The following ALG1L2 variants were observed in gnomAD, a reference collection of about 807,000 sequenced individuals.
The protein encoded by ALG1L2 is putative glycosyltransferase ALG1L2.
ALG1L2 carries 32 observed loss-of-function variants against 29.0 expected under a neutral mutation model. The ratio of observed to expected loss-of-function variants is 1.10; its 90% CI spans 0.83 to 1.48. The LOEUF (loss-of-function observed/expected upper bound fraction) is 1.48, where lower values mean the gene tolerates loss of function less well. Ranked by LOEUF, ALG1L2 falls within the 40% of genes most tolerant of loss-of-function variation. The pLI is 0.00. For missense variants in ALG1L2, 318 were observed against 274.1 expected (o/e 1.16, Z -1.13); for synonymous variants, 110 against 109.5 (o/e 1.00, Z -0.03).
chr3:130,095,445 ATT>A (rs1935110238), intron 5 of ALG1L2, among the ~76,000 whole-genome samples: 1 of 136,378 alleles, frequency 7.3e-6, no homozygotes, highest in Non-Finnish European at 1.6e-5. Flanking sequence ...TATTATTATT[ATT>A]ATTTTGAGAC....
At chr3:130,092,480 G>A (rs11718709) in intron 3 of ALG1L2, among the ~76,000 whole-genome samples, 50,795 of 152,090 alleles carry the variant, frequency 0.33, 9,190 homozygotes, top group Middle Eastern at 0.49. Flanking sequence ...CTCTGGGCTC[G>A]TCGGGGCCAC....
intron 1 of ALG1L2, among the ~76,000 whole-genome samples, chr3:130,087,844 A>G (rs1411610459): frequency 1.0e-5 from 1 of 97,106 alleles, no homozygotes; most frequent in Non-Finnish European, 2.6e-5. Context: ...GAAGCTCTGC[A>G]TGAACATCAG....
intron 1 of ALG1L2, among the ~76,000 whole-genome samples, chr3:130,088,385 C>T (rs935904247): frequency 2.6e-5 from 4 of 152,418 alleles, no homozygotes; most frequent in African/African-American, 7.2e-5. Flanking sequence ...CCCTGCTGTT[C>T]CCATGACATT....
In ALG1L2 at chr3:130,094,452, T is replaced by A. The variant is rs991463770; in HGVS notation, c.363T>A (p.His121Gln). 1 of 1,596,286 alleles carries A rather than the reference T, an allele frequency of 6.3e-7. No individual in the cohort carries two copies. The highest frequency in any genetic ancestry group is 1.3e-5 in the African/African-American group (1 of 74,936). Residue 121 changes from histidine (H) to glutamine (Q), a missense_variant, in exon 5 of 8, where the codon CAT becomes CAA. Coordinates refer to ENST00000425059, the MANE Select transcript of ALG1L2 (RefSeq NM_001136152.1). ...EYYSRLIHQK[H>Q]FQHIQVCIPW... Reference sequence around the variant, plus strand: ...ACAGCCGCCTCATCCACCAGAAGCATTTCCAGCACATCCAGGTCTGCATCC... The same window carrying A: ...ACAGCCGCCTCATCCACCAGAAGCAATTCCAGCACATCCAGGTCTGCATCC...
In ALG1L2 at chr3:130,094,517, A is replaced by G; in HGVS notation, c.424+4A>G. On this transcript the variant is annotated splice_donor_region_variant and intron_variant, in intron 5 of 7. Transcript: ENST00000425059. ...CGAGGACTACCCCCGCTTCTAGGTG[A>G]GAGGCCAGCAGGAGGCTCAGGGAGG... The G allele has an allele frequency of 1.9e-6, 3 of 1,582,592 alleles. No homozygotes were observed. Among genetic ancestry groups the G allele is most frequent in the East Asian group, 2.4e-5 (1 of 41,670 alleles).
chr3:130,096,817 G>A (rs1455512727), intron 6 of ALG1L2, among the ~76,000 whole-genome samples: 3 of 152,208 alleles, frequency 2.0e-5, no homozygotes, highest in African/African-American at 7.2e-5. Context: ...TCCTAGAAAA[G>A]TCATCTTTTA....
intron 1 of ALG1L2, among the ~76,000 whole-genome samples, chr3:130,084,308 T>A (rs576596067): frequency 2.2e-5 from 3 of 134,858 alleles, no homozygotes; most frequent in African/African-American, 2.7e-5. Context: ...TCAAAAAAAA[T>A]TAATAAAAAG....
intron 1 of ALG1L2, among the ~76,000 whole-genome samples, chr3:130,086,478 G>C (rs1365614110): frequency 6.7e-6 from 1 of 148,206 alleles, no homozygotes; most frequent in South Asian, 2.1e-4. Flanking sequence ...ATCAGCCTGG[G>C]CAACAAAGTG....
Position 130,092,230 on chromosome 3 carries a change from T to A in ALG1L2, c.253+8T>A, listed in dbSNP as rs13066399. 1 of 1,606,456 alleles carries A rather than the reference T, an allele frequency of 6.2e-7. No individual in the cohort carries two copies. Among genetic ancestry groups the A allele is most frequent in the Non-Finnish European group, 8.5e-7 (1 of 1,177,300 alleles). On this transcript the variant is annotated splice_region_variant and intron_variant, in intron 3 of 7. Coordinates refer to ENST00000425059, the MANE Select transcript of ALG1L2 (RefSeq NM_001136152.1). Reference sequence around the variant, plus strand: ...GCAGCACAAGCTGGACAGGTCTGCATGACCACTGGGGCACTTGGGGTTGGT... The same window carrying A: ...GCAGCACAAGCTGGACAGGTCTGCAAGACCACTGGGGCACTTGGGGTTGGT...
chr3:130,093,174 C>T lies in ALG1L2; in HGVS notation c.313+14C>T, dbSNP rs770762337. The T allele has an allele frequency of 6.2e-7, 1 of 1,610,826 alleles. No homozygotes were observed. The highest frequency in any genetic ancestry group is 2.2e-5 in the East Asian group (1 of 44,844). On this transcript the variant is annotated intron_variant, in intron 4 of 7. Coordinates refer to ENST00000425059, the MANE Select transcript of ALG1L2 (RefSeq NM_001136152.1). ...GTGTGATAACAGGTACTGCCTGGGACCCTGGGTGTCTGTTTGGTTGGGGGA... is the reference window on the plus strand; with the variant it reads ...GTGTGATAACAGGTACTGCCTGGGATCCTGGGTGTCTGTTTGGTTGGGGGA...
At chr3:130,084,296 C>T (rs1352690137) in intron 1 of ALG1L2, among the ~76,000 whole-genome samples, 4 of 133,040 alleles carry the variant, frequency 3.0e-5, no homozygotes, top group African/African-American at 5.1e-5. Flanking sequence ...CATTTCCCCC[C>T]CTCAAAAAAA....
chr3:130,089,559 T>C (rs1934964461), intron 1 of ALG1L2: 1 of 152,258 alleles, frequency 6.6e-6, no homozygotes, highest in South Asian at 2.1e-4. Context: ...GTTGAAATAA[T>C]AATATTTTGA....
chr3:130,096,250 T>A, intron 6 of ALG1L2, 87 bp downstream of exon 6: 2 of 1,478,270 alleles, frequency 1.4e-6, no homozygotes, highest in Admixed American at 1.9e-5. Flanking sequence ...CTGCCCACAG[T>A]GAGGCCCTGC....
chr3:130,084,295 C>A (rs1423800376), intron 1 of ALG1L2, among the ~76,000 whole-genome samples: 10 of 133,112 alleles, frequency 7.5e-5, no homozygotes, highest in Non-Finnish European at 1.2e-4. Flanking sequence ...CCATTTCCCC[C>A]CCTCAAAAAA....
chr3:130,087,035 AAGATCCTTAC>A (rs1228865860), intron 1 of ALG1L2, among the ~76,000 whole-genome samples: 2 of 150,428 alleles, frequency 1.3e-5, no homozygotes, highest in African/African-American at 4.8e-5. Context: ...CCCTGAGTTC[AAGATCCTTAC>A]AGCCTTGTTA....
chr3:130,081,980 T>A lies in ALG1L2; in HGVS notation c.-37T>A. On this transcript the variant is annotated 5_prime_UTR_variant, in exon 1 of 8. Coordinates refer to ENST00000425059, the MANE Select transcript of ALG1L2 (RefSeq NM_001136152.1). ...CACAGAGGCTGGAGAAATAAGCAGTTCCTTGCTAAGAAGTCTGAATTTTAA... is the reference window on the plus strand; with the variant it reads ...CACAGAGGCTGGAGAAATAAGCAGTACCTTGCTAAGAAGTCTGAATTTTAA... 1.4e-6 allele frequency: 2 copies of A among 1,386,286 alleles called. No homozygotes were observed. The highest frequency in any genetic ancestry group is 2.0e-6 in the Non-Finnish European group (2 of 1,000,474). The allele number at this position is 1,386,286 out of a possible 1,614,324, so 85.9% of individuals were successfully genotyped here.
At chr3:130,084,293 C>A (rs1235253008) in intron 1 of ALG1L2, among the ~76,000 whole-genome samples, 1 of 132,044 alleles carries the variant, frequency 7.6e-6, no homozygotes, top group Non-Finnish European at 1.8e-5. Context: ...CCCCATTTCC[C>A]CCCCTCAAAA....
intron 5 of ALG1L2, among the ~76,000 whole-genome samples, chr3:130,095,409 T>TTTATTATTATTA (rs869099473): frequency 5.9e-4 from 71 of 121,140 alleles, no homozygotes; most frequent in Middle Eastern, 5.2e-3. Context: ...TGTGCTGTGG[T>TTTATTATTATTA]TTATTATTAT....
chr3:130,094,430 G>A lies in ALG1L2; in HGVS notation c.341G>A (p.Ser114Asn). 3.1e-6 allele frequency: 5 copies of A among 1,596,318 alleles called. No homozygotes were observed. Among genetic ancestry groups the A allele is most frequent in the Non-Finnish European group, 4.2e-6 (5 of 1,179,664 alleles). The change falls in exon 5 of 8, where the codon AGC (serine) becomes AAC (asparagine). Residue 114 changes from serine to asparagine, a missense_variant. By Grantham distance (46) the Ser-to-Asn change is conservative. Coordinates refer to ENST00000425059, the MANE Select transcript of ALG1L2 (RefSeq NM_001136152.1). ...TGKGPLREYYSRLIHQKHFQH... is the reference protein window; with the variant it reads ...TGKGPLREYYNRLIHQKHFQH... Reference sequence around the variant, plus strand: ...AAAGGGCCTCTGAGGGAGTATTACAGCCGCCTCATCCACCAGAAGCATTTC... The same window carrying A: ...AAAGGGCCTCTGAGGGAGTATTACAACCGCCTCATCCACCAGAAGCATTTC...
Sources: gnomAD v4.1 joint callset for allele counts (sites outside exome capture counted in the v4.1 genomes callset) on GRCh38, gnomAD v4.1.1 for gene constraint, MANE v1.5 for transcripts, NCBI Gene and HGNC (gene_info 2026-07-23, HGNC 2026-07-21) for gene names.